Variants in MKX observed in about 807,000 individuals in gnomAD.
MKX encodes the protein mohawk homeobox, also known as homeobox protein Mohawk.
In MKX, 13 loss-of-function variants were observed where a neutral mutation model predicts 36.0. The ratio of observed to expected loss-of-function variants is 0.36; its 90% CI spans 0.24 to 0.57. The LOEUF is 0.57. Among genes scored for constraint, MKX ranks in the 20% least tolerant of loss-of-function variants. The pLI, the probability that MKX is intolerant of heterozygous loss-of-function variation, is 0.79. For synonymous variants in MKX, 176 were observed against 178.3 expected, an observed-to-expected ratio of 0.99 and a Z score of 0.10; for missense variants, 458 against 456.4, an observed-to-expected ratio of 1.00 and a Z score of -0.03.
intron 5 of MKX, among the ~76,000 whole-genome samples, chr10:27,723,134 T>G (rs980249883): frequency 6.6e-6 from 1 of 152,278 alleles, no homozygotes; most frequent in Admixed American, 6.5e-5. Context: ...TGCTTATACT[T>G]TTCCAAGCAC....
At chr10:27,711,585 T>A (rs565531209) in intron 5 of MKX, among the ~76,000 whole-genome samples, 1 of 149,194 alleles carries the variant, frequency 6.7e-6, no homozygotes, top group East Asian at 2.0e-4. Flanking sequence ...TCTTTTTTTC[T>A]TTTTTTTTCT....
intron 5 of MKX, among the ~76,000 whole-genome samples, chr10:27,697,769 T>G (rs1455315667): frequency 6.6e-6 from 1 of 152,154 alleles, no homozygotes; most frequent in Non-Finnish European, 1.5e-5. Context: ...AGAAGCTCAC[T>G]TTGTGGTGAA....
chr10:27,716,477 C>T (rs945033420), intron 5 of MKX, among the ~76,000 whole-genome samples: 1 of 148,820 alleles, frequency 6.7e-6, no homozygotes, highest in East Asian at 2.0e-4. Context: ...CTGATGCTGG[C>T]CTGCATGTGA....
At chr10:27,715,653 C>G (rs1351998965) in intron 5 of MKX, among the ~76,000 whole-genome samples, 4 of 152,150 alleles carry the variant, frequency 2.6e-5, no homozygotes, top group Non-Finnish European at 5.9e-5. Flanking sequence ...TAAGAAAATA[C>G]ATGTAGGGCA....
At chr10:27,708,206 C>T (rs1029558025) in intron 5 of MKX, among the ~76,000 whole-genome samples, 5 of 152,064 alleles carry the variant, frequency 3.3e-5, no homozygotes, top group African/African-American at 7.3e-5. Flanking sequence ...AGATGCTGGC[C>T]GTAGAGAACT....
chr10:27,690,722 C>T (rs1836438952), intron 5 of MKX, among the ~76,000 whole-genome samples: 1 of 152,142 alleles, frequency 6.6e-6, no homozygotes, highest in Non-Finnish European at 1.5e-5. Context: ...GGGTGCAAAT[C>T]ATCCTTTGTT....
chr10:27,686,437 G>A (rs1170226332), intron 5 of MKX, among the ~76,000 whole-genome samples: 74 of 140,470 alleles, frequency 5.3e-4, no homozygotes, highest in African/African-American at 1.7e-3. Context: ...AAGGAAGGAA[G>A]GAAGGAAGGA....
intron 3 of MKX, among the ~76,000 whole-genome samples, chr10:27,738,188 G>T (rs1211288317): frequency 6.6e-6 from 1 of 151,762 alleles, no homozygotes; most frequent in African/African-American, 2.4e-5. Flanking sequence ...ATTCTGCTGG[G>T]GTTTTTTGTT....
At chr10:27,690,705 G>A (rs1043814011) in intron 5 of MKX, among the ~76,000 whole-genome samples, 1 of 152,170 alleles carries the variant, frequency 6.6e-6, no homozygotes, top group African/African-American at 2.4e-5. Flanking sequence ...CTGACTTGAA[G>A]AAGTCAGGGT....
At chr10:27,727,447 A>C (rs530958713) in intron 5 of MKX, among the ~76,000 whole-genome samples, 1 of 152,370 alleles carries the variant, frequency 6.6e-6, no homozygotes, top group African/African-American at 2.4e-5. Flanking sequence ...ATTGCATTTG[A>C]ATTTTTGCAA....
At chr10:27,714,739 T>C (rs1836933757) in intron 5 of MKX, among the ~76,000 whole-genome samples, 1 of 152,244 alleles carries the variant, frequency 6.6e-6, no homozygotes. Flanking sequence ...AGTTGACTTA[T>C]GCTGTACATA....
At chr10:27,696,538 G>C (rs1050476429) in intron 5 of MKX, among the ~76,000 whole-genome samples, 1 of 152,086 alleles carries the variant, frequency 6.6e-6, no homozygotes, top group Non-Finnish European at 1.5e-5. Flanking sequence ...GCTTGAGTGT[G>C]GAAAATTCTC....
intron 2 of MKX, 146 bp downstream of exon 2, chr10:27,743,082 G>A: frequency 1.5e-6 from 1 of 668,758 alleles, no homozygotes; most frequent in Non-Finnish European, 2.2e-6. Context: ...GAATGCGCGA[G>A]CCCTGGAGGG....
chr10:27,714,636 A>G (rs1400888113), intron 5 of MKX, among the ~76,000 whole-genome samples: 2 of 152,216 alleles, frequency 1.3e-5, no homozygotes, highest in East Asian at 3.9e-4. Context: ...CTGCCGACAC[A>G]ATGACAGACT....
chr10:27,698,941 T>G (rs562966216), intron 5 of MKX, among the ~76,000 whole-genome samples: 1 of 152,340 alleles, frequency 6.6e-6, no homozygotes, highest in South Asian at 2.1e-4. Flanking sequence ...ATCTAAATAT[T>G]TTTCCATATG....
At position 27,734,462 on chromosome 10, in the gene MKX, G is replaced by A. The variant is rs138096382; in HGVS notation, c.832C>T (p.Arg278Cys). The A allele has an allele frequency of 8.1e-6, 13 of 1,613,638 alleles. No homozygotes were observed. Among genetic ancestry groups the A allele is most frequent in the East Asian group, 4.5e-5 (2 of 44,898 alleles). ...SSETEGNFVY[R>C]TDTLENGSNK... is the part of the protein sequence containing the mutation. ...ACAGAAAGCACGGACTTACCTGTGC[G>A]ATAGACAAAGTTGCCTTCAGTTTCT... Residue 278 changes from arginine (R) to cysteine (C), a missense_variant, in exon 5 of 7, where the codon CGC (arginine) becomes TGC (cysteine). Around this residue, in one of 3 missense-constraint regions of MKX, gnomAD observed 297 missense variants for 304.4 expected, o/e 0.98. Transcript: ENST00000419761.
chr10:27,711,726 G>A (rs1360368681), intron 5 of MKX, among the ~76,000 whole-genome samples: 5 of 148,472 alleles, frequency 3.4e-5, no homozygotes, highest in South Asian at 2.2e-4. Flanking sequence ...GGCGCCCACC[G>A]CCGTGCTCAG....
intron 5 of MKX, among the ~76,000 whole-genome samples, chr10:27,728,009 G>A (rs2132627212): frequency 6.6e-6 from 1 of 152,278 alleles, no homozygotes; most frequent in South Asian, 2.1e-4. Context: ...TAAGGTACAA[G>A]ACAAGGAATT....
intron 5 of MKX, among the ~76,000 whole-genome samples, chr10:27,714,800 T>C (rs1158378003): frequency 6.6e-6 from 1 of 152,264 alleles, no homozygotes; most frequent in Admixed American, 6.5e-5. Context: ...GTGTCTGCTC[T>C]GTCCTTAAAC....
Sources: allele counts gnomAD v4.1 joint callset (sites outside exome capture counted in the v4.1 genomes callset), GRCh38; gene constraint gnomAD v4.1.1; regional missense constraint gnomAD v4.1.1; transcripts MANE v1.5; gene names NCBI Gene and HGNC (gene_info 2026-07-23, HGNC 2026-07-21).